XRRA1: variants seen among roughly 807,000 people sequenced by gnomAD.
The protein encoded by XRRA1 is X-ray radiation resistance-associated protein 1.
XRRA1 carries 69 observed loss-of-function variants against 80.2 expected under a neutral mutation model. That is an observed-to-expected ratio of 0.86 (90% CI 0.71 to 1.05). The LOEUF (loss-of-function observed/expected upper bound fraction) is 1.05. Ranked by LOEUF, XRRA1 falls within the 50% of genes least tolerant of loss-of-function variation. XRRA1 has a pLI of 0.00. For synonymous variants in XRRA1, 348 were observed against 389.9 expected (o/e 0.89, Z 1.27); for missense variants, 967 against 976.4 (o/e 0.99, Z 0.13).
At chr11:74,938,535 A>C (rs904422465) in intron 3 of XRRA1, among the ~76,000 whole-genome samples, 6 of 152,234 alleles carry the variant, frequency 3.9e-5, no homozygotes, top group African/African-American at 1.4e-4. Flanking sequence ...TGTGATGGTT[A>C]ATTTTATCCA....
At chr11:74,900,837 ATAGT>A (rs1236423430) in intron 10 of XRRA1, among the ~76,000 whole-genome samples, 16 of 152,340 alleles carry the variant, frequency 1.1e-4, no homozygotes, top group East Asian at 3.9e-4. Flanking sequence ...TGACAGACAC[ATAGT>A]TAGTATCGTA....
intron 1 of XRRA1, among the ~76,000 whole-genome samples, chr11:74,947,631 A>G (rs1024283865): frequency 6.6e-6 from 1 of 152,234 alleles, no homozygotes; most frequent in African/African-American, 2.4e-5. Context: ...TGTAAAAGAT[A>G]AACTGCAACA....
At chr11:74,920,008 A>ACC in intron 8 of XRRA1, 1 of 57,568 alleles carries the variant, frequency 1.7e-5, no homozygotes, top group South Asian at 3.3e-4. Flanking sequence ...TAAAACTGCA[A>ACC]AAAAAAAAAA....
intron 10 of XRRA1, among the ~76,000 whole-genome samples, chr11:74,887,674 C>CA (rs897446923): frequency 3.8e-4 from 58 of 152,268 alleles, no homozygotes; most frequent in African/African-American, 1.4e-3. Context: ...CTTTCCTACT[C>CA]AAAGAAAGGG....
intron 8 of XRRA1, among the ~76,000 whole-genome samples, chr11:74,914,961 A>C (rs1012265465): frequency 3.3e-5 from 5 of 152,148 alleles, no homozygotes; most frequent in African/African-American, 1.2e-4. Flanking sequence ...CTCTTCATCA[A>C]CCCTTAACTA....
rs148822510 is a variant in XRRA1, at chr11:74,845,635, C to T, written c.1729-364G>A. On this transcript the variant is annotated intron_variant, in intron 15 of 18. Coordinates refer to ENST00000684022, the MANE Select transcript of XRRA1 (RefSeq NM_001378157.1). The stretch of plus-strand genomic sequence containing the variant: ...TGATTGTTTCAGACAAGGAACAGCA[C>T]GAGCAAAGGCGCAGAGGTAAGAAAC... 1.4e-4 allele frequency among the ~76,000 whole-genome samples: 21 copies of T among 152,226 alleles called. No homozygotes were observed. In the East Asian group the frequency reaches 2.7e-3, roughly 20 times the overall value.
At chr11:74,905,671 G>T (rs76321790) in intron 10 of XRRA1, among the ~76,000 whole-genome samples, 3,593 of 152,176 alleles carry the variant, frequency 0.024, 119 homozygotes, top group African/African-American at 0.083. Context: ...AATCTAGTTT[G>T]CAGTTTTTCC....
intron 10 of XRRA1, among the ~76,000 whole-genome samples, chr11:74,896,043 G>A (rs1391814719): frequency 6.6e-6 from 1 of 152,240 alleles, no homozygotes; most frequent in Non-Finnish European, 1.5e-5. Context: ...TACACTATGG[G>A]CCTTAAGGCC....
chr11:74,882,198 T>A (rs1369773154), intron 10 of XRRA1, among the ~76,000 whole-genome samples: 1 of 152,090 alleles, frequency 6.6e-6, no homozygotes, highest in Non-Finnish European at 1.5e-5. Flanking sequence ...TCTTGGAGGC[T>A]TTGCTCATTT....
intron 12 of XRRA1, among the ~76,000 whole-genome samples, chr11:74,855,629 C>G (rs932384896): frequency 6.6e-6 from 1 of 152,146 alleles, no homozygotes; most frequent in Non-Finnish European, 1.5e-5. Flanking sequence ...GTGTAACAAT[C>G]TGTCACATTT....
At chr11:74,843,717 G>C (rs549560284) in intron 18 of XRRA1, 137 bp downstream of exon 18, 22 of 861,554 alleles carry the variant, frequency 2.6e-5, no homozygotes, top group Non-Finnish European at 3.4e-5. Context: ...CTCTCCTTTT[G>C]TCCATCTACA....
intron 6 of XRRA1, among the ~76,000 whole-genome samples, chr11:74,928,986 T>C (rs1271395233): frequency 3.3e-5 from 5 of 152,158 alleles, no homozygotes; most frequent in East Asian, 1.9e-4. Flanking sequence ...AGTATCTTGA[T>C]CCACTGTAAT....
Position 74,949,051 on chromosome 11 carries a change from C to T in XRRA1, c.-196G>A. ...GCTCCACTGCGGTGCCTGCCGCTAT[C>T]TTCCCCACGCCTTAGTAACTGCGAC... On this transcript the variant is annotated 5_prime_UTR_variant, in exon 1 of 19. Transcript: ENST00000684022. 7.2e-6 allele frequency: 3 copies of T among 416,982 alleles called. No individual in the cohort carries two copies. Among genetic ancestry groups the T allele is most frequent in the Non-Finnish European group, 1.3e-5 (3 of 229,826 alleles). 25.8% of individuals were successfully genotyped at this position (416,982 alleles called of 1,614,324 possible). A position where few individuals can be genotyped will look rare whatever the true frequency, so the allele number is the denominator to read the frequency against.
At chr11:74,902,511 A>C (rs1051362622) in intron 10 of XRRA1, among the ~76,000 whole-genome samples, 1 of 152,234 alleles carries the variant, frequency 6.6e-6, no homozygotes, top group Non-Finnish European at 1.5e-5. Flanking sequence ...ATTTGGAAGC[A>C]ACCTACGCAT....
At chr11:74,876,171 G>T (rs1449516690) in intron 10 of XRRA1, 3 of 152,118 alleles carry the variant, frequency 2.0e-5, no homozygotes, top group Non-Finnish European at 4.4e-5. Flanking sequence ...TGTCACATAA[G>T]GGGTCACAAA....
chr11:74,852,427 C>T (rs1052298918), intron 12 of XRRA1, among the ~76,000 whole-genome samples: 4 of 152,164 alleles, frequency 2.6e-5, no homozygotes, highest in East Asian at 1.9e-4. Context: ...ATTTTTCGTA[C>T]GAACAAACTC....
At chr11:74,904,660 G>C (rs2054204001) in intron 10 of XRRA1, among the ~76,000 whole-genome samples, 1 of 152,006 alleles carries the variant, frequency 6.6e-6, no homozygotes, top group Admixed American at 6.6e-5. Flanking sequence ...CACCATGTGA[G>C]TTAAATTCTT....
chr11:74,844,051 G>A (rs1389046963), intron 17 of XRRA1, 92 bp from the exon 18 acceptor site: 6 of 1,446,868 alleles, frequency 4.1e-6, no homozygotes, highest in African/African-American at 2.8e-5. Context: ...CAGGCTGGGG[G>A]GCATCTGGGG....
chr11:74,932,652 G>A (rs754016099), intron 5 of XRRA1, among the ~76,000 whole-genome samples: 1 of 152,226 alleles, frequency 6.6e-6, no homozygotes, highest in Non-Finnish European at 1.5e-5. Flanking sequence ...AAGGTGAATT[G>A]ATAAAGAGAC....
Sources: allele counts gnomAD v4.1 joint callset (sites outside exome capture counted in the v4.1 genomes callset), GRCh38; gene constraint gnomAD v4.1.1; transcripts MANE v1.5; gene names NCBI Gene and HGNC (gene_info 2026-07-23, HGNC 2026-07-21).